The following KIZ variants were observed in gnomAD, a reference collection of about 807,000 sequenced individuals.
KIZ encodes centrosomal protein kizuna.
A neutral mutation model predicts 79.6 loss-of-function variants in KIZ; 68 were observed. The observed-to-expected ratio is 0.85, with a 90% CI of 0.70 to 1.05. The LOEUF (loss-of-function observed/expected upper bound fraction) is 1.05. Ranked by LOEUF, KIZ falls within the 50% of genes least tolerant of loss-of-function variation. The pLI is 0.00. For synonymous variants in KIZ, 280 were observed against 281.8 expected (o/e 0.99, Z 0.06); for missense variants, 797 against 800.4 (o/e 1.00, Z 0.05).
At chr20:21,238,464 C>T (rs2037107183) in intron 11 of KIZ, among the ~76,000 whole-genome samples, 1 of 151,720 alleles carries the variant, frequency 6.6e-6, no homozygotes, top group Non-Finnish European at 1.5e-5. Context: ...GTGAATATGC[C>T]CTCTGCTCAT....
intron 6 of KIZ, among the ~76,000 whole-genome samples, chr20:21,169,597 A>G (rs1237096059): frequency 6.6e-6 from 1 of 152,236 alleles, no homozygotes; most frequent in Non-Finnish European, 1.5e-5. Context: ...CCAAAGGATT[A>G]TAAATCATGC....
intron 9 of KIZ, among the ~76,000 whole-genome samples, chr20:21,220,177 CTTAA>C (rs542157741): frequency 4.7e-5 from 7 of 149,304 alleles, no homozygotes; most frequent in African/African-American, 1.7e-4. Flanking sequence ...ATATAAAATC[CTTAA>C]TTATATTAGT....
intron 4 of KIZ, among the ~76,000 whole-genome samples, chr20:21,156,481 G>A (rs964965691): frequency 1.1e-4 from 17 of 152,136 alleles, no homozygotes; most frequent in African/African-American, 3.9e-4. Context: ...CATGTTTGTG[G>A]TGATGCTGGT....
At chr20:21,154,887 T>A (rs928679150) in intron 4 of KIZ, among the ~76,000 whole-genome samples, 6 of 152,218 alleles carry the variant, frequency 3.9e-5, no homozygotes, top group African/African-American at 1.4e-4. Context: ...TAGAGCCTGA[T>A]CTCAGCAAAT....
At chr20:21,205,436 T>C in intron 6 of KIZ, 55 bp from the exon 7 acceptor site, 1 of 724,428 alleles carries the variant, frequency 1.4e-6, no homozygotes, top group East Asian at 3.0e-5. Context: ...TTTAAAAATG[T>C]GGGAATCTTA....
intron 8 of KIZ, 96 bp downstream of exon 8, chr20:21,214,796 A>AT: frequency 1.4e-6 from 1 of 703,204 alleles, no homozygotes; most frequent in Non-Finnish European, 2.5e-6. Context: ...CTGACTAGTG[A>AT]ATACCTCTGA....
intron 6 of KIZ, among the ~76,000 whole-genome samples, chr20:21,169,594 A>T (rs181949624): frequency 6.6e-6 from 1 of 152,200 alleles, no homozygotes; most frequent in Non-Finnish European, 1.5e-5. Context: ...TACCCAAAGG[A>T]TTATAAATCA....
At position 21,162,371 on chromosome 20, in the gene KIZ, A is replaced by G. The variant is rs760465667; in HGVS notation, c.906A>G (p.Glu302=). ...ACAGTTCCAGCGGATCAGAGGGAGA[A>G]ATACTGACACGGGAACATATTGAAG... ...KCDSSSGSEG[E]ILTREHIEVE... Residue 302 remains glutamate, a synonymous_variant, in exon 5 of 13, where the codon GAA becomes GAG. Transcript: ENST00000619189. The G allele has an allele frequency of 1.4e-5, 22 of 1,613,800 alleles. No homozygotes were observed. Among genetic ancestry groups the G allele is most frequent in the Non-Finnish European group, 1.9e-5 (22 of 1,179,862 alleles).
At chr20:21,189,507 T>C (rs951674642) in intron 6 of KIZ, among the ~76,000 whole-genome samples, 1 of 152,114 alleles carries the variant, frequency 6.6e-6, no homozygotes, top group Non-Finnish European at 1.5e-5. Flanking sequence ...TATTAAAAAT[T>C]CTCCCAAGCC....
intron 11 of KIZ, among the ~76,000 whole-genome samples, chr20:21,242,950 C>T (rs1027572308): frequency 6.6e-6 from 1 of 152,162 alleles, no homozygotes; most frequent in African/African-American, 2.4e-5. Flanking sequence ...CCCCTCCTAG[C>T]ATTTTTATAA....
chr20:21,234,027 A>C (rs1449512149), intron 11 of KIZ, among the ~76,000 whole-genome samples: 1 of 152,188 alleles, frequency 6.6e-6, no homozygotes, highest in Non-Finnish European at 1.5e-5. Flanking sequence ...AGTTTAAAAG[A>C]CAGTAAATTC....
At chr20:21,226,229 G>T (rs968613668) in intron 9 of KIZ, 1 of 152,282 alleles carries the variant, frequency 6.6e-6, no homozygotes, top group Non-Finnish European at 1.5e-5. Flanking sequence ...CAAGTCATGT[G>T]CCTCCTTGCC....
In KIZ at chr20:21,191,847, GA is replaced by G. The variant is rs766655150; in HGVS notation, c.1353-13631del. On this transcript the variant is annotated intron_variant, in intron 6 of 12. Coordinates refer to ENST00000619189, the MANE Select transcript of KIZ (RefSeq NM_018474.6). ...GGAGGTAGGGCTTGTTTAAAAGAAA[GA>G]AAAAAAAAAAAAGCAGCCCCAAACT... Among the ~76,000 whole-genome samples the G allele has an allele frequency of 6.2e-3, 808 of 130,902 alleles. 2 individuals are homozygous for G. Among genetic ancestry groups the G allele is most frequent in the South Asian group, 0.036 (146 of 4,078 alleles). The allele number at this position is 130,902 out of a possible 152,430, so 85.9% of individuals were successfully genotyped here. A position where few individuals can be genotyped will look rare whatever the true frequency, so the allele number is the denominator to read the frequency against.
At chr20:21,193,831 A>T (rs932290686) in intron 6 of KIZ, among the ~76,000 whole-genome samples, 5 of 127,308 alleles carry the variant, frequency 3.9e-5, no homozygotes, top group African/African-American at 1.5e-4. Context: ...CAGGAAGGGG[A>T]ACATCACACA....
chr20:21,177,592 C>T (rs984083527), intron 6 of KIZ, among the ~76,000 whole-genome samples: 3 of 152,024 alleles, frequency 2.0e-5, no homozygotes, highest in Admixed American at 2.0e-4. Context: ...GATGTAGTCC[C>T]ACTTGTCTAT....
intron 6 of KIZ, chr20:21,195,666 TTGTCC>T (rs78319402): frequency 0.051 from 7,723 of 152,300 alleles, 296 homozygotes; most frequent in Non-Finnish European, 0.074. Context: ...TAGGTTCTCT[TTGTCC>T]TGTCAGTGGG....
chr20:21,231,335 A>G (rs1187178516), intron 10 of KIZ, among the ~76,000 whole-genome samples: 1 of 152,180 alleles, frequency 6.6e-6, no homozygotes, highest in East Asian at 1.9e-4. Flanking sequence ...AAAAACAAAC[A>G]AACAAAAAGA....
chr20:21,172,598 CA>C (rs200053185), intron 6 of KIZ, among the ~76,000 whole-genome samples: 43 of 140,664 alleles, frequency 3.1e-4, no homozygotes, highest in Admixed American at 3.5e-4. Context: ...GACTCTGTCT[CA>C]AAAAAAAAAA....
intron 2 of KIZ, among the ~76,000 whole-genome samples, chr20:21,135,319 T>A (rs1341439874): frequency 6.6e-6 from 1 of 152,174 alleles, no homozygotes; most frequent in Non-Finnish European, 1.5e-5. Context: ...AGTGCCTGAG[T>A]GTGAACGACA....
Sources: allele counts gnomAD v4.1 joint callset (sites outside exome capture counted in the v4.1 genomes callset), GRCh38; gene constraint gnomAD v4.1.1; transcripts MANE v1.5; gene names NCBI Gene and HGNC (gene_info 2026-07-23, HGNC 2026-07-21).